PKHD1L1: variants seen among roughly 807,000 people sequenced by gnomAD.
PKHD1L1 encodes PKHD1 like 1.
Under a neutral mutation model 462.9 loss-of-function variants are expected in PKHD1L1, and 434 were observed. The ratio of observed to expected loss-of-function variants is 0.94; its 90% CI spans 0.87 to 1.02. The LOEUF (loss-of-function observed/expected upper bound fraction) is 1.02. PKHD1L1 is among the 50% of genes least tolerant of loss of function. The pLI is 0.00. For missense variants in PKHD1L1, 5,202 were observed against 5,096.1 expected (o/e 1.02, Z -0.63); for synonymous variants, 1,781 against 1,750.0 (o/e 1.02, Z -0.44).
chr8:109,458,121 T>G (rs1214290328), intron 46 of PKHD1L1, among the ~76,000 whole-genome samples: 1 of 152,162 alleles, frequency 6.6e-6, no homozygotes, highest in Non-Finnish European at 1.5e-5. Flanking sequence ...ATATGCTCAT[T>G]TCTTCTATTT....
chr8:109,422,049 T>G (rs1349766533), intron 23 of PKHD1L1, among the ~76,000 whole-genome samples: 1 of 152,228 alleles, frequency 6.6e-6, no homozygotes, highest in Non-Finnish European at 1.5e-5. Context: ...GAACTTTAAC[T>G]TTGACATAAT....
chr8:109,496,133 C>T (rs1383577913), intron 63 of PKHD1L1, among the ~76,000 whole-genome samples: 1 of 152,172 alleles, frequency 6.6e-6, no homozygotes, highest in Admixed American at 6.5e-5. Flanking sequence ...TTAAAGACCA[C>T]CTATCTCTGT....
chr8:109,509,911 T>C (rs897239683), intron 70 of PKHD1L1, among the ~76,000 whole-genome samples: 1 of 152,134 alleles, frequency 6.6e-6, no homozygotes, highest in African/African-American at 2.4e-5. Flanking sequence ...ATTCATTCCA[T>C]ATTTCACTCA....
chr8:109,486,903 A>C, intron 59 of PKHD1L1, 82 bp downstream of exon 59: 160 of 1,305,614 alleles, frequency 1.2e-4, no homozygotes, highest in Non-Finnish European at 1.5e-4. Flanking sequence ...CATAATTCTC[A>C]CTTTTTTAAT....
At chr8:109,457,526 A>G (rs1255955534) in intron 46 of PKHD1L1, among the ~76,000 whole-genome samples, 1 of 152,152 alleles carries the variant, frequency 6.6e-6, no homozygotes, top group African/African-American at 2.4e-5. Flanking sequence ...CCTATTTGAG[A>G]GTTTGCAAAG....
intron 50 of PKHD1L1, among the ~76,000 whole-genome samples, chr8:109,468,132 G>T (rs1050577714): frequency 2.0e-5 from 3 of 152,148 alleles, no homozygotes; most frequent in Non-Finnish European, 4.4e-5. Flanking sequence ...ATTTGAAAGT[G>T]TTTAGCATAA....
At chr8:109,415,481 G>A (rs2130619656) in intron 21 of PKHD1L1, among the ~76,000 whole-genome samples, 1 of 152,256 alleles carries the variant, frequency 6.6e-6, no homozygotes, top group African/African-American at 2.4e-5. Context: ...CCAGGGTGTA[G>A]ACCTGGAGGT....
At chr8:109,411,747 AGCT>A (rs1248452765) in intron 19 of PKHD1L1, among the ~76,000 whole-genome samples, 2 of 152,084 alleles carry the variant, frequency 1.3e-5, no homozygotes, top group Admixed American at 6.6e-5. Flanking sequence ...CCATTCCAAC[AGCT>A]GCTATTTATC....
intron 50 of PKHD1L1, among the ~76,000 whole-genome samples, chr8:109,471,534 T>C (rs1817716733): frequency 6.6e-6 from 1 of 152,220 alleles, no homozygotes; most frequent in Non-Finnish European, 1.5e-5. Context: ...TATTTCATAC[T>C]GTACACATTT....
At chr8:109,498,922 T>G in intron 67 of PKHD1L1, 151 bp downstream of exon 67, 1 of 696,966 alleles carries the variant, frequency 1.4e-6, no homozygotes, top group Non-Finnish European at 2.3e-6. Context: ...GACATCAGAG[T>G]CAATTTTGAG....
rs561926298 is a variant in PKHD1L1, at chr8:109,427,105, C to T, written c.2949C>T (p.Tyr983=). 19 of 1,613,896 alleles carry T rather than the reference C, an allele frequency of 1.2e-5. No homozygotes were observed. The highest frequency in any genetic ancestry group is 2.2e-5 in the South Asian group (2 of 91,080). ...SVTREGTCAG[Y]AWNIKWRSTC... ...CACGAGAGGGAACCTGTGCTGGCTA[C>T]GCGTGGAACATCAAATGGAGAAGCA... Residue 983 remains tyrosine, a synonymous_variant, in exon 25 of 78, where the codon TAC becomes TAT. Coordinates refer to ENST00000378402, the MANE Select transcript of PKHD1L1 (RefSeq NM_177531.6).
intron 2 of PKHD1L1, among the ~76,000 whole-genome samples, chr8:109,364,848 C>T (rs183558972): frequency 6.6e-6 from 1 of 152,240 alleles, no homozygotes; most frequent in African/African-American, 2.4e-5. Context: ...ATTATACTGA[C>T]TTGCTTAACA....
chr8:109,467,415 G>A (rs995648833), intron 50 of PKHD1L1, among the ~76,000 whole-genome samples: 10 of 11,146 alleles, frequency 9.0e-4, no homozygotes, highest in African/African-American at 2.4e-3. Context: ...CCACTGCCCC[G>A]CCCCAACTCA....
At chr8:109,427,944 G>A (rs1222516778) in intron 25 of PKHD1L1, among the ~76,000 whole-genome samples, 3 of 146,418 alleles carry the variant, frequency 2.0e-5, no homozygotes, top group African/African-American at 5.0e-5. Context: ...TTGAACCTGG[G>A]AGACGGAGAT....
chr8:109,471,081 A>G (rs1409172092), intron 50 of PKHD1L1: 5 of 1,556,374 alleles, frequency 3.2e-6, no homozygotes, highest in African/African-American at 1.4e-5. Context: ...CAAATTCCTC[A>G]TCAAACATAC....
rs761636638 is a variant in PKHD1L1, at chr8:109,504,419, A to G, written c.10921A>G (p.Ile3641Val). ...TTTAAATGAGGATTTACAGCATCCA[A>G]TCCATGTGAAGAATATAAAACTGGT... ...NPLNEDLQHPIHVKNIKLVDT... is the reference protein window; with the variant it reads ...NPLNEDLQHPVHVKNIKLVDT... Residue 3641 changes from isoleucine (I) to valine (V), a missense_variant, in exon 68 of 78, where the codon ATC (isoleucine) becomes GTC (valine). Ile to Val is a conservative substitution (Grantham distance 29). Coordinates refer to ENST00000378402, the MANE Select transcript of PKHD1L1 (RefSeq NM_177531.6). 2 of 1,566,068 alleles carry G rather than the reference A, an allele frequency of 1.3e-6. No homozygotes were observed. Among genetic ancestry groups the G allele is most frequent in the Admixed American group, 1.8e-5 (1 of 55,624 alleles).
At chr8:109,394,956 A>G (rs1812896972) in intron 10 of PKHD1L1, among the ~76,000 whole-genome samples, 1 of 152,238 alleles carries the variant, frequency 6.6e-6, no homozygotes, top group South Asian at 2.1e-4. Context: ...ACATTGGCCT[A>G]CAATTTGGCT....
rs529838342 is a variant in PKHD1L1, at chr8:109,425,108, C to A, written c.2721C>A (p.Asn907Lys). Residue 907 changes from asparagine (N) to lysine (K), a missense_variant, in exon 24 of 78, where the codon AAC (asparagine) becomes AAA (lysine). Asn to Lys is a moderately conservative substitution (Grantham distance 94, BLOSUM62 0). Coordinates refer to ENST00000378402, the MANE Select transcript of PKHD1L1 (RefSeq NM_177531.6). ...AGATAATCACACATGAGACAGAGAACGAGTTTGTCTACAGAGGAAATAATT... is the reference window on the plus strand; with the variant it reads ...AGATAATCACACATGAGACAGAGAAAGAGTTTGTCTACAGAGGAAATAATT... ...FGQIITHETENEFVYRGNNWP... is the reference protein window; with the variant it reads ...FGQIITHETEKEFVYRGNNWP... 1.3e-6 allele frequency: 2 copies of A among 1,586,478 alleles called. No individual in the cohort carries two copies. Among genetic ancestry groups the A allele is most frequent in the Non-Finnish European group, 1.7e-6 (2 of 1,169,074 alleles).
intron 22 of PKHD1L1, among the ~76,000 whole-genome samples, chr8:109,420,071 T>C (rs1158631776): frequency 6.6e-6 from 1 of 152,200 alleles, no homozygotes. Context: ...GAACCTACTA[T>C]GTGTCAGGCA....
Sources: allele counts gnomAD v4.1 joint callset (sites outside exome capture counted in the v4.1 genomes callset), GRCh38; gene constraint gnomAD v4.1.1; transcripts MANE v1.5; gene names NCBI Gene and HGNC (gene_info 2026-07-23, HGNC 2026-07-21).